The following SNAPC1 variants were observed in gnomAD, a reference collection of about 807,000 sequenced individuals.
The protein encoded by SNAPC1 is small nuclear RNA activating complex polypeptide 1, also known as snRNA-activating protein complex subunit 1.
A neutral mutation model predicts 50.1 loss-of-function variants in SNAPC1; 42 were observed. That is an observed-to-expected ratio of 0.84 (90% CI 0.65 to 1.08). SNAPC1 has a LOEUF of 1.08. SNAPC1 is among the 50% of genes least tolerant of loss of function. The pLI is 0.00. For missense variants in SNAPC1, 477 were observed against 427.3 expected, an observed-to-expected ratio of 1.12 and a Z score of -1.02; for synonymous variants, 164 against 144.2, an observed-to-expected ratio of 1.14 and a Z score of -0.98.
chr14:61,769,046 TTTAC>T (rs1344037660), intron 4 of SNAPC1, among the ~76,000 whole-genome samples: 2 of 152,140 alleles, frequency 1.3e-5, no homozygotes, highest in Non-Finnish European at 2.9e-5. Flanking sequence ...TTAAAGTGAC[TTTAC>T]TTACTTTTTT....
chr14:61,772,083 AG>A (rs1453664766), intron 4 of SNAPC1, among the ~76,000 whole-genome samples: 2 of 150,184 alleles, frequency 1.3e-5, no homozygotes, highest in Admixed American at 6.6e-5. Flanking sequence ...ATCTGAACCC[AG>A]TTGGTTACAA....
chr14:61,772,662 T>C (rs1260501110), intron 4 of SNAPC1, among the ~76,000 whole-genome samples: 2 of 152,246 alleles, frequency 1.3e-5, no homozygotes, highest in African/African-American at 4.8e-5. Flanking sequence ...AGTGCTGGGA[T>C]TATAGGCATG....
At chr14:61,763,342 T>A (rs146937082) in intron 1 of SNAPC1, among the ~76,000 whole-genome samples, 5 of 152,090 alleles carry the variant, frequency 3.3e-5, no homozygotes, top group African/African-American at 1.2e-4. Flanking sequence ...CCCCGACTTA[T>A]TACTCTGTAG....
chr14:61,792,741 A>G, intron 8 of SNAPC1, 66 bp from the exon 9 acceptor site: 1 of 911,048 alleles, frequency 1.1e-6, no homozygotes, highest in Non-Finnish European at 1.6e-6. Flanking sequence ...AGTTTTTGTA[A>G]AATGTTTTCT....
chr14:61,787,592 G>T, intron 8 of SNAPC1, among the ~76,000 whole-genome samples: 1 of 152,200 alleles, frequency 6.6e-6, no homozygotes, highest in East Asian at 1.9e-4. Flanking sequence ...AGAACAGCTG[G>T]ATTGGTTACA....
At chr14:61,767,178 A>G in intron 2 of SNAPC1, 34 bp from the exon 3 acceptor site, 1 of 1,389,920 alleles carries the variant, frequency 7.2e-7, no homozygotes, top group Non-Finnish European at 9.4e-7. Context: ...AAATATTTAC[A>G]TTTAGTACAA....
intron 8 of SNAPC1, among the ~76,000 whole-genome samples, chr14:61,789,454 G>A (rs1481237785): frequency 6.6e-6 from 1 of 152,060 alleles, no homozygotes; most frequent in African/African-American, 2.4e-5. Flanking sequence ...ATTACCAGTG[G>A]TTAATTTTCA....
chr14:61,765,770 C>A (rs1439940905), intron 1 of SNAPC1, among the ~76,000 whole-genome samples: 1 of 152,100 alleles, frequency 6.6e-6, no homozygotes, highest in African/African-American at 2.4e-5. Context: ...GATTGATTGC[C>A]AACAAAGCCT....
At chr14:61,765,273 AT>A (rs1364879952) in intron 1 of SNAPC1, among the ~76,000 whole-genome samples, 1 of 152,170 alleles carries the variant, frequency 6.6e-6, no homozygotes, top group African/African-American at 2.4e-5. Flanking sequence ...TCCACAGAAA[AT>A]ATATGTGAAC....
At chr14:61,764,649 G>A (rs187858142) in intron 1 of SNAPC1, among the ~76,000 whole-genome samples, 77 of 152,156 alleles carry the variant, frequency 5.1e-4, no homozygotes, top group Non-Finnish European at 1.0e-3. Flanking sequence ...TCTAAAATCC[G>A]TTAATATTCC....
chr14:61,768,433 G>C (rs1157100939), intron 3 of SNAPC1, among the ~76,000 whole-genome samples: 1 of 152,126 alleles, frequency 6.6e-6, no homozygotes, highest in Non-Finnish European at 1.5e-5. Context: ...TGAATTTGTA[G>C]GCATGTGGCA....
At chr14:61,794,232 G>A (rs1251923723) in intron 9 of SNAPC1, among the ~76,000 whole-genome samples, 3 of 151,720 alleles carry the variant, frequency 2.0e-5, no homozygotes, top group African/African-American at 7.3e-5. Flanking sequence ...TAGTACCCTG[G>A]GTTCATATAA....
At chr14:61,793,899 G>A (rs549789892) in intron 9 of SNAPC1, among the ~76,000 whole-genome samples, 23 of 152,046 alleles carry the variant, frequency 1.5e-4, no homozygotes, top group African/African-American at 4.8e-4. Context: ...TAAGTGATCC[G>A]CTTGCCTTGG....
chr14:61,765,166 G>C lies in SNAPC1; in HGVS notation c.129-1710G>C, dbSNP rs148497142. Among the ~76,000 whole-genome samples the C allele has an allele frequency of 6.8e-3, 1,029 of 152,244 alleles. 15 individuals carry two copies. The highest frequency in any genetic ancestry group is 0.024 in the African/African-American group (997 of 41,538). On this transcript the variant is annotated intron_variant, in intron 1 of 9. Transcript: ENST00000216294. The stretch of plus-strand genomic sequence containing the variant: ...TTTTATCCAAAGTGGTAAGAAGACT[G>C]TTACATTGACTTTTTTAAGGCCTTG...
At chr14:61,764,035 A>G (rs1391091543) in intron 1 of SNAPC1, among the ~76,000 whole-genome samples, 1 of 152,152 alleles carries the variant, frequency 6.6e-6, no homozygotes, top group African/African-American at 2.4e-5. Flanking sequence ...CCCGGGTTCA[A>G]GAGATTCTCC....
intron 7 of SNAPC1, among the ~76,000 whole-genome samples, chr14:61,780,030 A>G (rs752542200): frequency 1.1e-4 from 17 of 152,184 alleles, no homozygotes; most frequent in Admixed American, 1.3e-4. Context: ...CTTTTTAAAA[A>G]TGATTGAAGA....
intron 3 of SNAPC1, among the ~76,000 whole-genome samples, chr14:61,768,155 C>T (rs1276313399): frequency 2.0e-5 from 3 of 152,172 alleles, no homozygotes; most frequent in Non-Finnish European, 4.4e-5. Flanking sequence ...TTAGCCTTTG[C>T]TTTTTAAATG....
intron 9 of SNAPC1, among the ~76,000 whole-genome samples, chr14:61,793,475 T>C (rs1001059288): frequency 6.6e-6 from 1 of 152,084 alleles, no homozygotes; most frequent in African/African-American, 2.4e-5. Flanking sequence ...ACTCCTGGGC[T>C]CAAGTGATCC....
intron 1 of SNAPC1, among the ~76,000 whole-genome samples, chr14:61,765,792 T>C (rs754432876): frequency 6.6e-6 from 1 of 152,216 alleles, no homozygotes; most frequent in Non-Finnish European, 1.5e-5. Flanking sequence ...GTTGCTCTCT[T>C]GGATGTTTGG....
Sources: allele counts gnomAD v4.1 joint callset (sites outside exome capture counted in the v4.1 genomes callset), GRCh38; gene constraint gnomAD v4.1.1; transcripts MANE v1.5; gene names NCBI Gene and HGNC (gene_info 2026-07-23, HGNC 2026-07-21).